The following TUSC2 variants were observed in gnomAD, a reference collection of about 807,000 sequenced individuals.
TUSC2 encodes the protein tumor suppressor candidate 2.
Under a neutral mutation model 11.5 loss-of-function variants are expected in TUSC2, and 7 were observed. The ratio of observed to expected loss-of-function variants is 0.61; its 90% CI spans 0.35 to 1.14. The LOEUF is 1.14. Ranked by LOEUF, TUSC2 falls within the 50% of genes most tolerant of loss-of-function variation. The probability of loss-of-function intolerance (pLI) is 0.03; values close to 1 mark genes in which losing one functional copy is unlikely to be tolerated. For synonymous variants in TUSC2, 61 were observed against 64.1 expected, an observed-to-expected ratio of 0.95 and a Z score of 0.23; for missense variants, 132 against 155.0, an observed-to-expected ratio of 0.85 and a Z score of 0.79.
intron 2 of TUSC2, 82 bp downstream of exon 2, chr3:50,326,275 C>T: frequency 6.2e-7 from 1 of 1,611,856 alleles, no homozygotes; most frequent in Non-Finnish European, 8.5e-7. Context: ...CCCGCAAAAG[C>T]CCCCACCATG....
Sources: gnomAD v4.1 joint callset for allele counts on GRCh38, gnomAD v4.1.1 for gene constraint, MANE v1.5 for transcripts, NCBI Gene and HGNC (gene_info 2026-07-23, HGNC 2026-07-21) for gene names.